LSAMP: variants seen among roughly 807,000 people sequenced by gnomAD.
The protein encoded by LSAMP is limbic system associated membrane protein, also known as limbic system-associated membrane protein.
Under a neutral mutation model 38.6 loss-of-function variants are expected in LSAMP, and 7 were observed. That is an observed-to-expected ratio of 0.18 (90% CI 0.10 to 0.34). The LOEUF (loss-of-function observed/expected upper bound fraction) is 0.34, where lower values mean the gene tolerates loss of function less well. Ranked by LOEUF, LSAMP falls within the 10% of genes least tolerant of loss-of-function variation. The probability of loss-of-function intolerance (pLI) is 1.00; values close to 1 mark genes in which losing one functional copy is unlikely to be tolerated. For synonymous variants in LSAMP, 154 were observed against 166.8 expected, an observed-to-expected ratio of 0.92 and a Z score of 0.59; for missense variants, 313 against 420.0, an observed-to-expected ratio of 0.75 and a Z score of 2.23.
chr3:115,884,071 A>G (rs1488051800), intron 3 of LSAMP, among the ~76,000 whole-genome samples: 1 of 152,092 alleles, frequency 6.6e-6, no homozygotes, highest in Non-Finnish European at 1.5e-5. Context: ...TAACAAATCA[A>G]TGATTCTGGG....
At chr3:116,329,368 T>C (rs2047818958) in intron 1 of LSAMP, among the ~76,000 whole-genome samples, 1 of 152,150 alleles carries the variant, frequency 6.6e-6, no homozygotes, top group African/African-American at 2.4e-5. Context: ...TGAAAATTGG[T>C]AAATGAAAGA....
intron 3 of LSAMP, among the ~76,000 whole-genome samples, chr3:115,898,408 C>T (rs1395727349): frequency 3.9e-5 from 6 of 151,956 alleles, no homozygotes; most frequent in African/African-American, 1.4e-4. Flanking sequence ...TTGGGAAATA[C>T]TGTTCTGGGG....
intron 6 of LSAMP, among the ~76,000 whole-genome samples, chr3:115,810,723 C>A (rs573707350): frequency 5.3e-5 from 8 of 152,318 alleles, no homozygotes; most frequent in African/African-American, 1.9e-4. Context: ...TTCACCCAGC[C>A]TCCTCCTGTT....
At chr3:116,197,504 T>C (rs1279049019) in intron 1 of LSAMP, among the ~76,000 whole-genome samples, 2 of 152,200 alleles carry the variant, frequency 1.3e-5, no homozygotes, top group Admixed American at 6.5e-5. Context: ...CTCAGCATAT[T>C]AAGTTAAAAA....
At chr3:115,873,394 AG>A (rs1017955870) in intron 3 of LSAMP, among the ~76,000 whole-genome samples, 10 of 149,890 alleles carry the variant, frequency 6.7e-5, no homozygotes, top group African/African-American at 2.5e-4. Flanking sequence ...AAAAAAAAAA[AG>A]TCTATGCTTT....
At chr3:116,404,353 G>A (rs888848775) in intron 1 of LSAMP, among the ~76,000 whole-genome samples, 3 of 152,100 alleles carry the variant, frequency 2.0e-5, no homozygotes, top group Admixed American at 6.5e-5. Flanking sequence ...TGCTTTGGAA[G>A]GGTTTCTCAT....
At chr3:116,370,409 T>A (rs575886354) in intron 1 of LSAMP, among the ~76,000 whole-genome samples, 1 of 152,310 alleles carries the variant, frequency 6.6e-6, no homozygotes, top group East Asian at 1.9e-4. Flanking sequence ...TCTGTCTGCT[T>A]AATTATTTTG....
At chr3:116,318,155 A>T (rs1029359495) in intron 1 of LSAMP, among the ~76,000 whole-genome samples, 89 of 148,720 alleles carry the variant, frequency 6.0e-4, no homozygotes, top group Non-Finnish European at 5.0e-4. Flanking sequence ...AAAAAAAAAA[A>T]TTTTAGTAAT....
intron 1 of LSAMP, among the ~76,000 whole-genome samples, chr3:116,162,616 TA>T (rs1468039933): frequency 2.0e-5 from 3 of 151,756 alleles, no homozygotes; most frequent in Non-Finnish European, 2.9e-5. Flanking sequence ...GTGTATGTTT[TA>T]TATGTGCGTG....
chr3:116,154,103 T>C (rs1709685929), intron 1 of LSAMP, among the ~76,000 whole-genome samples: 1 of 152,150 alleles, frequency 6.6e-6, no homozygotes, highest in Admixed American at 6.6e-5. Flanking sequence ...AACGGAGTTG[T>C]TCCAAGTAAA....
intron 1 of LSAMP, among the ~76,000 whole-genome samples, chr3:116,150,879 T>C (rs530318848): frequency 8.6e-4 from 122 of 141,424 alleles, no homozygotes; most frequent in Non-Finnish European, 1.6e-3. Flanking sequence ...AAATCTAAAT[T>C]GCTAAATATA....
chr3:116,366,894 C>G (rs901753737), intron 1 of LSAMP, among the ~76,000 whole-genome samples: 16 of 152,158 alleles, frequency 1.1e-4, no homozygotes, highest in Admixed American at 2.6e-4. Flanking sequence ...CATTATCTTC[C>G]TGAGCCACCG....
chr3:116,257,306 A>G (rs746947002), intron 1 of LSAMP, among the ~76,000 whole-genome samples: 5 of 152,326 alleles, frequency 3.3e-5, no homozygotes, highest in Non-Finnish European at 7.4e-5. Flanking sequence ...AGGTGAAGGC[A>G]TGAATAATAA....
At chr3:116,334,991 C>A (rs1257752202) in intron 1 of LSAMP, among the ~76,000 whole-genome samples, 1 of 151,714 alleles carries the variant, frequency 6.6e-6, no homozygotes, top group Non-Finnish European at 1.5e-5. Context: ...CTTAATAGTT[C>A]CACAAAAAAC....
At chr3:116,278,370 C>T (rs1274090592) in intron 1 of LSAMP, among the ~76,000 whole-genome samples, 1 of 151,934 alleles carries the variant, frequency 6.6e-6, no homozygotes, top group Non-Finnish European at 1.5e-5. Context: ...TTAAATGAAA[C>T]TATTAGCTGA....
chr3:116,319,876 C>T (rs568286307), intron 1 of LSAMP, among the ~76,000 whole-genome samples: 1 of 151,684 alleles, frequency 6.6e-6, no homozygotes, highest in African/African-American at 2.4e-5. Context: ...AAATCAGCAG[C>T]TGCTCCCCAG....
intron 1 of LSAMP, among the ~76,000 whole-genome samples, chr3:116,109,743 G>C (rs936638937): frequency 2.0e-5 from 3 of 152,044 alleles, no homozygotes; most frequent in Non-Finnish European, 4.4e-5. Context: ...CACAGGCTGA[G>C]GGAGAAGGAG....
chr3:115,975,933 A>C lies in LSAMP; in HGVS notation c.514+43582T>G, dbSNP rs955290413. Among the ~76,000 whole-genome samples the C allele has an allele frequency of 2.0e-5, 3 of 152,164 alleles. No individual in the cohort carries two copies. The South Asian group carries it at 6.2e-4, about 32-fold the overall frequency. On this transcript the variant is annotated intron_variant, in intron 3 of 6. Coordinates refer to ENST00000490035, the MANE Select transcript of LSAMP (RefSeq NM_002338.5). ...AAGCAACATCTCTCTTGGTTTTACCATTCTCCCAGTCACTACAGGTTGAAA... is the reference window on the plus strand; with the variant it reads ...AAGCAACATCTCTCTTGGTTTTACCCTTCTCCCAGTCACTACAGGTTGAAA...
At chr3:116,029,596 CGTGT>C (rs1230644837) in intron 2 of LSAMP, among the ~76,000 whole-genome samples, 1 of 151,912 alleles carries the variant, frequency 6.6e-6, no homozygotes, top group African/African-American at 2.4e-5. Context: ...TGCTAGGTAC[CGTGT>C]GTGTTAATGT....
Sources: allele counts gnomAD v4.1 joint callset (sites outside exome capture counted in the v4.1 genomes callset), GRCh38; gene constraint gnomAD v4.1.1; transcripts MANE v1.5; gene names NCBI Gene and HGNC (gene_info 2026-07-23, HGNC 2026-07-21).